Variants in ZMIZ1 observed in about 807,000 individuals in gnomAD.
ZMIZ1 encodes zinc finger MIZ-type containing 1.
ZMIZ1 carries 17 observed loss-of-function variants against 113.9 expected under a neutral mutation model. The observed-to-expected ratio is 0.15, with a 90% CI of 0.10 to 0.22. The LOEUF (loss-of-function observed/expected upper bound fraction) is 0.22. Among genes scored for constraint, ZMIZ1 ranks in the 10% least tolerant of loss-of-function variants. The pLI is 1.00. For missense variants in ZMIZ1, 1,059 were observed against 1,477.8 expected, an observed-to-expected ratio of 0.72 and a Z score of 4.65; for synonymous variants, 607 against 603.1, an observed-to-expected ratio of 1.01 and a Z score of -0.09.
chr10:79,192,736 A>T (rs1564709999), intron 4 of ZMIZ1, among the ~76,000 whole-genome samples: 1 of 152,176 alleles, frequency 6.6e-6, no homozygotes, highest in Non-Finnish European at 1.5e-5. Flanking sequence ...ACAGATGAGG[A>T]TGCAGGCTCA....
intron 1 of ZMIZ1, among the ~76,000 whole-genome samples, chr10:79,114,052 C>T (rs901194686): frequency 2.0e-5 from 3 of 152,160 alleles, no homozygotes; most frequent in Non-Finnish European, 4.4e-5. Context: ...GACTCCTACC[C>T]CCGATCCCCT....
chr10:79,070,998 GGCT>G (rs1378716363), intron 1 of ZMIZ1, among the ~76,000 whole-genome samples: 1 of 152,192 alleles, frequency 6.6e-6, no homozygotes, highest in Non-Finnish European at 1.5e-5. Context: ...CTGGCGGCTG[GGCT>G]GGCGGGGTGA....
chr10:79,199,655 T>G (rs1847989476), intron 4 of ZMIZ1, among the ~76,000 whole-genome samples: 1 of 152,138 alleles, frequency 6.6e-6, no homozygotes, highest in Non-Finnish European at 1.5e-5. Context: ...TGTGTGTAGA[T>G]ATTTGCTTCT....
intron 4 of ZMIZ1, among the ~76,000 whole-genome samples, chr10:79,179,148 T>C (rs575379594): frequency 1.1e-4 from 17 of 152,366 alleles, no homozygotes; most frequent in Admixed American, 8.5e-4. Flanking sequence ...ACTTACTGTA[T>C]GTGCCAGCCC....
At chr10:79,279,908 G>A (rs1029563830) in intron 8 of ZMIZ1, among the ~76,000 whole-genome samples, 2 of 152,170 alleles carry the variant, frequency 1.3e-5, no homozygotes, top group South Asian at 2.1e-4. Flanking sequence ...CCGAGATGGC[G>A]GCAGTACAGT....
At chr10:79,109,925 A>G (rs565824561) in intron 1 of ZMIZ1, among the ~76,000 whole-genome samples, 126 of 152,374 alleles carry the variant, frequency 8.3e-4, no homozygotes, top group African/African-American at 2.7e-3. Context: ...GATGGCAATA[A>G]TGACCCTCAC....
Position 79,311,521 on chromosome 10 carries a change from G to A in ZMIZ1, c.3096+337G>A, listed in dbSNP as rs1036407789. On this transcript the variant is annotated intron_variant, in intron 24 of 24. Transcript: ENST00000334512. ...CCCCGATGGTGAGCTTGCGGTTTCT[G>A]TGTCTGCCTCTCTGGCCCGGGCAGG... Among the ~76,000 whole-genome samples the A allele has an allele frequency of 3.3e-5, 5 of 152,312 alleles. No individual in the cohort carries two copies. The East Asian group carries it at 9.7e-4, about 29-fold the overall frequency.
At position 79,075,805 on chromosome 10, in the gene ZMIZ1, G is replaced by A. The variant is rs142094429; in HGVS notation, c.-337+6535G>A. Among the ~76,000 whole-genome samples the A allele has an allele frequency of 8.6e-3, 1,306 of 152,330 alleles. 20 individuals carry two copies. The highest frequency in any genetic ancestry group is 0.03 in the African/African-American group (1,227 of 41,576). ...AAATGGCCAAGCTGTTCTGATGGGGGTGTGTGTTAAAATACATACACTGTA... is the reference window on the plus strand; with the variant it reads ...AAATGGCCAAGCTGTTCTGATGGGGATGTGTGTTAAAATACATACACTGTA... On this transcript the variant is annotated intron_variant, in intron 1 of 24. Transcript: ENST00000334512.
At chr10:79,149,912 G>A (rs942480230) in intron 3 of ZMIZ1, among the ~76,000 whole-genome samples, 8 of 152,240 alleles carry the variant, frequency 5.3e-5, no homozygotes, top group East Asian at 3.9e-4. Context: ...CACTTTTGTC[G>A]AGGCCTCACA....
chr10:79,140,827 G>C (rs1845224826), intron 3 of ZMIZ1, among the ~76,000 whole-genome samples: 1 of 152,104 alleles, frequency 6.6e-6, no homozygotes, highest in Non-Finnish European at 1.5e-5. Context: ...CTGTCACCCA[G>C]GTTGGAGTGC....
intron 4 of ZMIZ1, among the ~76,000 whole-genome samples, chr10:79,188,737 T>C (rs1023133807): frequency 4.0e-5 from 6 of 151,794 alleles, no homozygotes; most frequent in Non-Finnish European, 7.4e-5. Flanking sequence ...TAGGTCGGCA[T>C]TTCTCAAAGC....
chr10:79,174,902 G>A (rs907044847), intron 4 of ZMIZ1, among the ~76,000 whole-genome samples: 6 of 152,234 alleles, frequency 3.9e-5, no homozygotes, highest in Admixed American at 6.5e-5. Flanking sequence ...AGAGGAGGGC[G>A]CAGCATCCCC....
chr10:79,246,874 TC>T (rs953540021), intron 7 of ZMIZ1, among the ~76,000 whole-genome samples: 1 of 152,172 alleles, frequency 6.6e-6, no homozygotes, highest in Non-Finnish European at 1.5e-5. Flanking sequence ...CGAAGGGACT[TC>T]CTGCCCCAAG....
intron 1 of ZMIZ1, among the ~76,000 whole-genome samples, chr10:79,088,745 C>T (rs1192057250): frequency 2.0e-5 from 3 of 152,152 alleles, no homozygotes; most frequent in Admixed American, 6.5e-5. Context: ...TGAGCAGGTG[C>T]GTTTCCTAAG....
intron 4 of ZMIZ1, 46 bp downstream of exon 4, chr10:79,162,179 G>A (rs1846137988): frequency 2.5e-6 from 1 of 399,220 alleles, no homozygotes. Context: ...GTCGGACGCA[G>A]GTGAGTCCTC....
chr10:79,147,396 A>G (rs989213466), intron 3 of ZMIZ1, among the ~76,000 whole-genome samples: 9 of 152,288 alleles, frequency 5.9e-5, no homozygotes, highest in Non-Finnish European at 1.0e-4. Flanking sequence ...AGGGACACAC[A>G]TGGGCACAAC....
At chr10:79,266,841 G>C (rs1434759227) in intron 7 of ZMIZ1, among the ~76,000 whole-genome samples, 1 of 152,240 alleles carries the variant, frequency 6.6e-6, no homozygotes, top group Non-Finnish European at 1.5e-5. Flanking sequence ...CTCCAGCCGG[G>C]CAGAGTAACA....
chr10:79,196,240 C>T (rs1479551256), intron 4 of ZMIZ1, among the ~76,000 whole-genome samples: 2 of 152,206 alleles, frequency 1.3e-5, no homozygotes, highest in South Asian at 2.1e-4. Flanking sequence ...CAGGACACAG[C>T]GCTGTCCCTG....
At chr10:79,080,400 G>C (rs928881122) in intron 1 of ZMIZ1, among the ~76,000 whole-genome samples, 1 of 149,894 alleles carries the variant, frequency 6.7e-6, no homozygotes, top group Non-Finnish European at 1.5e-5. Flanking sequence ...TCTGCCTCCC[G>C]GGTTCAAGAG....
Sources: gnomAD v4.1 joint callset for allele counts (sites outside exome capture counted in the v4.1 genomes callset) on GRCh38, gnomAD v4.1.1 for gene constraint, MANE v1.5 for transcripts, NCBI Gene and HGNC (gene_info 2026-07-23, HGNC 2026-07-21) for gene names.